The following NBAS variants were observed in gnomAD, a reference collection of about 807,000 sequenced individuals.
NBAS encodes NBAS subunit of NRZ tethering complex.
In NBAS, 219 loss-of-function variants were observed where a neutral mutation model predicts 302.5. The ratio of observed to expected loss-of-function variants is 0.72; its 90% CI spans 0.65 to 0.81. NBAS has a LOEUF of 0.81. Among genes scored for constraint, NBAS ranks in the 30% least tolerant of loss-of-function variants. The probability of loss-of-function intolerance (pLI) is 0.00; values close to 1 mark genes in which losing one functional copy is unlikely to be tolerated. For synonymous variants in NBAS, 1,118 were observed against 1,021.6 expected, an observed-to-expected ratio of 1.09 and a Z score of -1.80; for missense variants, 2,932 against 2,841.6, an observed-to-expected ratio of 1.03 and a Z score of -0.72.
At chr2:14,807,125 CACCA>C in the NBAS span, among the ~76,000 whole-genome samples, 2 of 150,160 alleles carry the variant, frequency 1.3e-5, no homozygotes, top group Non-Finnish European at 2.9e-5. Flanking sequence ...CCCTGAGGCC[CACCA>C]ATGTAAATAT....
At chr2:15,262,456 T>C (rs1267152527) in intron 44 of NBAS, among the ~76,000 whole-genome samples, 1 of 152,180 alleles carries the variant, frequency 6.6e-6, no homozygotes, top group Non-Finnish European at 1.5e-5. Context: ...AACTAATCTA[T>C]ATGTATACAG....
the NBAS span, among the ~76,000 whole-genome samples, chr2:15,121,426 A>C: frequency 6.6e-6 from 1 of 152,066 alleles, no homozygotes; most frequent in Non-Finnish European, 1.5e-5. Flanking sequence ...TGGCTCTCAT[A>C]ATGGGTAGCA....
At chr2:15,250,383 C>A (rs1375390025) in intron 44 of NBAS, among the ~76,000 whole-genome samples, 2 of 152,090 alleles carry the variant, frequency 1.3e-5, no homozygotes, top group African/African-American at 4.8e-5. Context: ...TAGGCAATAC[C>A]ATTCAGGACA....
the NBAS span, among the ~76,000 whole-genome samples, chr2:15,034,014 AGAAGAAGAAGAAGAGGAGGAG>A: frequency 3.1e-4 from 15 of 48,338 alleles, no homozygotes; most frequent in African/African-American, 8.2e-4. Flanking sequence ...AAGAAGAAGA[AGAAGAAGAAGAAGAGGAGGAG>A]GAAGGAGGAG....
chr2:15,356,012 A>C (rs893371590), intron 33 of NBAS, among the ~76,000 whole-genome samples: 7 of 152,226 alleles, frequency 4.6e-5, no homozygotes, highest in African/African-American at 1.4e-4. Context: ...AAATACAGGA[A>C]ATGGCATTGA....
At chr2:15,020,320 C>T in the NBAS span, among the ~76,000 whole-genome samples, 9 of 152,146 alleles carry the variant, frequency 5.9e-5, no homozygotes, top group African/African-American at 1.2e-4. Context: ...CATCATATTG[C>T]AAAGGGTGAT....
the NBAS span, among the ~76,000 whole-genome samples, chr2:15,097,930 ATTAC>A: frequency 9.1e-6 from 1 of 109,364 alleles, no homozygotes; most frequent in Non-Finnish European, 1.8e-5. Flanking sequence ...TATTATATAT[ATTAC>A]ATATATATTA....
intron 21 of NBAS, among the ~76,000 whole-genome samples, chr2:15,440,476 C>T (rs1362976362): frequency 1.3e-5 from 2 of 152,190 alleles, no homozygotes; most frequent in South Asian, 2.1e-4. Context: ...AACTAACAAA[C>T]AGAAAGGACA....
At chr2:15,357,275 C>T (rs1673666270) in intron 32 of NBAS, among the ~76,000 whole-genome samples, 3 of 152,192 alleles carry the variant, frequency 2.0e-5, no homozygotes, top group Non-Finnish European at 4.4e-5. Flanking sequence ...CTAGAGACTA[C>T]CCACATTAAC....
the NBAS span, among the ~76,000 whole-genome samples, chr2:14,953,688 A>G: frequency 1.3e-5 from 2 of 152,202 alleles, no homozygotes; most frequent in Non-Finnish European, 2.9e-5. Context: ...ACTTTCAGCC[A>G]GCCTAAAATC....
chr2:15,078,185 T>C, the NBAS span, among the ~76,000 whole-genome samples: 2 of 152,030 alleles, frequency 1.3e-5, no homozygotes, highest in African/African-American at 2.4e-5. Flanking sequence ...TAACACAGAG[T>C]TGAATTTTAT....
At chr2:14,803,773 C>G in the NBAS span, among the ~76,000 whole-genome samples, 1 of 152,100 alleles carries the variant, frequency 6.6e-6, no homozygotes, top group Non-Finnish European at 1.5e-5. Context: ...CTTCAGCCTC[C>G]CAAGTAGCTG....
the NBAS span, among the ~76,000 whole-genome samples, chr2:15,147,486 G>T: frequency 1.2e-3 from 179 of 152,156 alleles, 1 homozygote; most frequent in Non-Finnish European, 9.6e-4. Context: ...CCAGCTACTC[G>T]GGAGGCTGAG....
chr2:14,999,078 C>G, the NBAS span, among the ~76,000 whole-genome samples: 4 of 152,124 alleles, frequency 2.6e-5, no homozygotes, highest in African/African-American at 9.7e-5. Flanking sequence ...CCTTCCTGGG[C>G]CTCTACCAGC....
the NBAS span, among the ~76,000 whole-genome samples, chr2:15,061,562 C>T: frequency 6.6e-6 from 1 of 152,204 alleles, no homozygotes; most frequent in Non-Finnish European, 1.5e-5. Context: ...ATCAAGGTCA[C>T]AGGGCACATA....
chr2:15,044,053 T>C, the NBAS span, among the ~76,000 whole-genome samples: 2 of 152,166 alleles, frequency 1.3e-5, no homozygotes, highest in Non-Finnish European at 2.9e-5. Context: ...TGAATGAAGT[T>C]CATAGAAGAG....
Position 15,553,422 on chromosome 2 carries a change from T to C in NBAS, c.335+4A>G, listed in dbSNP as rs1352462112. The C allele has an allele frequency of 3.7e-6, 6 of 1,603,436 alleles. No individual in the cohort carries two copies. The highest frequency in any genetic ancestry group is 1.1e-5 in the South Asian group (1 of 90,802). On this transcript the variant is annotated splice_donor_region_variant and intron_variant, in intron 5 of 51. Coordinates refer to ENST00000281513, the MANE Select transcript of NBAS (RefSeq NM_015909.4). ...TCTTGAATATGAATAATATTAACAATTACCTGATTTCCACACACTGATCTT... is the reference window on the plus strand; with the variant it reads ...TCTTGAATATGAATAATATTAACAACTACCTGATTTCCACACACTGATCTT...
At chr2:15,444,072 T>C (rs1678591891) in intron 21 of NBAS, among the ~76,000 whole-genome samples, 1 of 151,754 alleles carries the variant, frequency 6.6e-6, no homozygotes, top group Non-Finnish European at 1.5e-5. Flanking sequence ...AAAATGGCCA[T>C]ACTGCCCAAG....
chr2:14,853,515 G>A, the NBAS span, among the ~76,000 whole-genome samples: 2 of 91,690 alleles, frequency 2.2e-5, no homozygotes, highest in Non-Finnish European at 4.1e-5. Context: ...TCAGTGTGGC[G>A]ATTCCTCAGG....
Sources: gnomAD v4.1 joint callset for allele counts (sites outside exome capture counted in the v4.1 genomes callset) on GRCh38, gnomAD v4.1.1 for gene constraint, MANE v1.5 for transcripts, NCBI Gene and HGNC (gene_info 2026-07-23, HGNC 2026-07-21) for gene names.